Variants in ZFYVE9 observed in about 807,000 individuals in gnomAD.
ZFYVE9 encodes the protein zinc finger FYVE domain-containing protein 9.
In ZFYVE9, 43 loss-of-function variants were observed where a neutral mutation model predicts 126.7. The ratio of observed to expected loss-of-function variants is 0.34; its 90% CI spans 0.27 to 0.44. The LOEUF is 0.44. ZFYVE9 is among the 20% of genes least tolerant of loss of function. ZFYVE9 has a pLI of 1.00. For synonymous variants in ZFYVE9, 521 were observed against 597.4 expected (o/e 0.87, Z 1.87); for missense variants, 1,476 against 1,697.0 (o/e 0.87, Z 2.29).
chr1:52,175,783 C>G (rs1572075031), intron 1 of ZFYVE9, among the ~76,000 whole-genome samples: 1 of 152,330 alleles, frequency 6.6e-6, no homozygotes, highest in East Asian at 1.9e-4. Context: ...ACCGTTTCTT[C>G]CAGTTGATCG....
Position 52,202,117 on chromosome 1 carries a change from TGAAG to T in ZFYVE9, c.-142-14249_-142-14246del, listed in dbSNP as rs548154400. On this transcript the variant is annotated intron_variant, in intron 1 of 18. Transcript: ENST00000287727. ...TTATTGATATAATCTCCTTCACTTT[TGAAG>T]GACAATTTTATAGGGGTACAGATTT... 6.4e-4 allele frequency among the ~76,000 whole-genome samples: 97 copies of T among 152,294 alleles called. 4 individuals carry two copies. The South Asian group carries it at 0.019, about 31-fold the overall frequency.
chr1:52,335,680 G>A (rs535428716), intron 15 of ZFYVE9, among the ~76,000 whole-genome samples: 8 of 152,170 alleles, frequency 5.3e-5, no homozygotes, highest in Admixed American at 5.2e-4. Flanking sequence ...TTGGAAAAAG[G>A]GAGGGAAATT....
rs550506341 is a variant in ZFYVE9 at position 52,183,611 on chromosome 1, T to C, written c.-142-32758T>C. Among the ~76,000 whole-genome samples, 179 of 152,188 alleles carry C rather than the reference T, an allele frequency of 1.2e-3. 2 individuals carry two copies. Among genetic ancestry groups the C allele is most frequent in the Non-Finnish European group, 2.1e-3 (140 of 68,000 alleles). ...TCTGCCTCCCGGGTTCAAGTAATTC[T>C]CCTGTCTCAGCCTTCCGAGTATCTG... On this transcript the variant is annotated intron_variant, in intron 1 of 18. Transcript: ENST00000287727.
At chr1:52,181,163 G>A (rs1191646241) in intron 1 of ZFYVE9, among the ~76,000 whole-genome samples, 4 of 151,912 alleles carry the variant, frequency 2.6e-5, no homozygotes, top group Non-Finnish European at 5.9e-5. Flanking sequence ...CTGCCATCTC[G>A]GCTCACTGCA....
intron 6 of ZFYVE9, 72 bp from the exon 7 acceptor site, chr1:52,268,391 C>A: frequency 1.3e-6 from 2 of 1,494,936 alleles, no homozygotes; most frequent in Non-Finnish European, 1.8e-6. Context: ...AATTGGTGAC[C>A]TTCTCTTCTT....
chr1:52,214,233 C>T (rs1026703548), intron 1 of ZFYVE9, among the ~76,000 whole-genome samples: 4 of 152,040 alleles, frequency 2.6e-5, no homozygotes, highest in Admixed American at 1.3e-4. Context: ...TTGAGACCAG[C>T]CTGGGTAACA....
chr1:52,246,481 A>G (rs1024181036), intron 4 of ZFYVE9, among the ~76,000 whole-genome samples: 1 of 151,666 alleles, frequency 6.6e-6, no homozygotes, highest in East Asian at 1.9e-4. Flanking sequence ...TTTGGCTTAT[A>G]CCTTCAGAGA....
chr1:52,228,778 G>T (rs1645192311), intron 2 of ZFYVE9, among the ~76,000 whole-genome samples: 1 of 152,020 alleles, frequency 6.6e-6, no homozygotes, highest in East Asian at 1.9e-4. Context: ...TTCTCAAAAT[G>T]TTAATTTATG....
At chr1:52,230,686 A>C (rs1049889621) in intron 2 of ZFYVE9, among the ~76,000 whole-genome samples, 6 of 152,066 alleles carry the variant, frequency 3.9e-5, no homozygotes, top group Non-Finnish European at 8.8e-5. Context: ...AAGGGGAGCC[A>C]TCACCTTTTC....
At chr1:52,240,834 C>A (rs978790047) in intron 4 of ZFYVE9, among the ~76,000 whole-genome samples, 1 of 152,058 alleles carries the variant, frequency 6.6e-6, no homozygotes, top group African/African-American at 2.4e-5. Context: ...CAATTTTAGA[C>A]CATAACCAAT....
At chr1:52,274,751 A>G (rs945320843) in intron 8 of ZFYVE9, among the ~76,000 whole-genome samples, 167 bp downstream of exon 8, 4 of 152,186 alleles carry the variant, frequency 2.6e-5, no homozygotes, top group Admixed American at 6.5e-5. Context: ...TTTAGAGTAG[A>G]TGCTTATGTT....
chr1:52,248,526 C>A (rs1263255594), intron 4 of ZFYVE9, among the ~76,000 whole-genome samples: 1 of 152,164 alleles, frequency 6.6e-6, no homozygotes, highest in Non-Finnish European at 1.5e-5. Context: ...GAAACAATAC[C>A]AGCCATCTAG....
chr1:52,295,955 A>G lies in ZFYVE9; in HGVS notation c.3311A>G (p.His1104Arg). 6.2e-7 allele frequency: 1 copy of G among 1,613,800 alleles called. No homozygotes were observed. The highest frequency in any genetic ancestry group is 1.1e-5 in the South Asian group (1 of 91,064). ...AAGCCATTGTTTGGAGAGACGGGGCATACCATCATGAATCTTCTTGCAGTA... is the reference window on the plus strand; with the variant it reads ...AAGCCATTGTTTGGAGAGACGGGGCGTACCATCATGAATCTTCTTGCAGTA... ...FRKPLFGETG[H>R]TIMNLLADFR... Residue 1104 changes from histidine (H) to arginine (R), a missense_variant, in exon 12 of 19, where the codon CAT (histidine) becomes CGT (arginine). Physicochemically the swap from His to Arg is conservative, Grantham distance 29 (BLOSUM62 0). Coordinates refer to ENST00000287727, the MANE Select transcript of ZFYVE9 (RefSeq NM_004799.4).
At chr1:52,204,201 G>T (rs1644951933) in intron 1 of ZFYVE9, among the ~76,000 whole-genome samples, 1 of 152,086 alleles carries the variant, frequency 6.6e-6, no homozygotes, top group African/African-American at 2.4e-5. Flanking sequence ...GTTGGGGGAA[G>T]GGGAGCATTC....
At chr1:52,147,157 A>T (rs1644313226) in intron 1 of ZFYVE9, among the ~76,000 whole-genome samples, 1 of 152,220 alleles carries the variant, frequency 6.6e-6, no homozygotes, top group Non-Finnish European at 1.5e-5. Context: ...AATCTGTCCC[A>T]AATGCTTCTG....
intron 6 of ZFYVE9, among the ~76,000 whole-genome samples, chr1:52,267,167 A>T (rs1034981828): frequency 6.6e-6 from 1 of 152,172 alleles, no homozygotes; most frequent in African/African-American, 2.4e-5. Flanking sequence ...GCCTGTCTTA[A>T]TGTTCTTTGT....
At chr1:52,288,052 C>T (rs182195458) in intron 10 of ZFYVE9, among the ~76,000 whole-genome samples, 1 of 152,212 alleles carries the variant, frequency 6.6e-6, no homozygotes, top group Non-Finnish European at 1.5e-5. Flanking sequence ...ATTTTTTGAA[C>T]ACTTAATATA....
At chr1:52,336,853 G>C (rs1168055016) in intron 15 of ZFYVE9, among the ~76,000 whole-genome samples, 2 of 151,720 alleles carry the variant, frequency 1.3e-5, no homozygotes, top group Non-Finnish European at 2.9e-5. Context: ...AGGCTGAGGT[G>C]GGAGGACCCT....
intron 13 of ZFYVE9, among the ~76,000 whole-genome samples, chr1:52,311,688 TA>T (rs2147850510): frequency 6.6e-6 from 1 of 152,382 alleles, no homozygotes; most frequent in East Asian, 1.9e-4. Flanking sequence ...TAGTGTTGTG[TA>T]TTAGCCTGGT....
Sources: allele counts gnomAD v4.1 joint callset (sites outside exome capture counted in the v4.1 genomes callset), GRCh38; gene constraint gnomAD v4.1.1; transcripts MANE v1.5; gene names NCBI Gene and HGNC (gene_info 2026-07-23, HGNC 2026-07-21).